PIP4P2: variants seen among roughly 807,000 people sequenced by gnomAD.
PIP4P2 encodes phosphatidylinositol-4,5-bisphosphate 4-phosphatase 2.
A neutral mutation model predicts 33.3 loss-of-function variants in PIP4P2; 19 were observed. The observed-to-expected ratio is 0.57, with a 90% CI of 0.40 to 0.84. PIP4P2 has a LOEUF of 0.84. Ranked by LOEUF, PIP4P2 falls within the 40% of genes least tolerant of loss-of-function variation. PIP4P2 has a pLI of 0.00. For synonymous variants in PIP4P2, 110 were observed against 111.9 expected (o/e 0.98, Z 0.11); for missense variants, 270 against 324.7 (o/e 0.83, Z 1.29).
At chr8:91,033,098 G>A (rs572197687) in intron 1 of PIP4P2, among the ~76,000 whole-genome samples, 6 of 152,266 alleles carry the variant, frequency 3.9e-5, no homozygotes, top group South Asian at 4.1e-4. Context: ...TGAGAGCATC[G>A]TCTCCCTCTC....
chr8:91,023,200 T>G (rs1812035341), intron 1 of PIP4P2, among the ~76,000 whole-genome samples: 1 of 150,908 alleles, frequency 6.6e-6, no homozygotes. Flanking sequence ...AATATTATTT[T>G]AATAATTATT....
chr8:91,002,017 C>A (rs1811705618), intron 5 of PIP4P2, among the ~76,000 whole-genome samples: 1 of 152,088 alleles, frequency 6.6e-6, no homozygotes, highest in Admixed American at 6.6e-5. Context: ...CTGCAATCTT[C>A]CTTTTCTGGT....
chr8:91,006,684 T>C (rs188712152), intron 5 of PIP4P2, among the ~76,000 whole-genome samples: 1 of 152,332 alleles, frequency 6.6e-6, no homozygotes, highest in East Asian at 1.9e-4. Flanking sequence ...GAGGTCTCTG[T>C]CAGGCCAGGT....
chr8:91,039,506 T>C (rs889380614), intron 1 of PIP4P2, among the ~76,000 whole-genome samples: 1 of 152,240 alleles, frequency 6.6e-6, no homozygotes, highest in African/African-American at 2.4e-5. Context: ...AAGTTCAACC[T>C]GCTCTACATC....
At chr8:91,020,911 T>C (rs74714529) in intron 2 of PIP4P2, among the ~76,000 whole-genome samples, 2,581 of 152,320 alleles carry the variant, frequency 0.017, 67 homozygotes, top group East Asian at 0.14. Context: ...TGAAGTTTAG[T>C]ACACAATATT....
intron 5 of PIP4P2, among the ~76,000 whole-genome samples, chr8:91,002,262 G>A (rs1811709106): frequency 6.6e-6 from 1 of 152,068 alleles, no homozygotes; most frequent in African/African-American, 2.4e-5. Flanking sequence ...CATTTAAAAG[G>A]ATGATTTTTA....
At chr8:91,021,739 C>T (rs113676585) in intron 1 of PIP4P2, among the ~76,000 whole-genome samples, 14 of 152,158 alleles carry the variant, frequency 9.2e-5, no homozygotes, top group African/African-American at 2.4e-4. Flanking sequence ...GTAATTTATG[C>T]CTACAATAAA....
intron 5 of PIP4P2, among the ~76,000 whole-genome samples, chr8:90,998,923 G>A (rs1297877556): frequency 2.6e-5 from 4 of 152,026 alleles, no homozygotes; most frequent in Admixed American, 2.6e-4. Context: ...ATGAACAAAT[G>A]ATATCTAATT....
chr8:91,001,298 G>A (rs867628660), intron 5 of PIP4P2, among the ~76,000 whole-genome samples: 6 of 151,846 alleles, frequency 4.0e-5, no homozygotes, highest in South Asian at 2.1e-4. Context: ...ATTTTATCAC[G>A]TTTAGGTTCA....
intron 4 of PIP4P2, among the ~76,000 whole-genome samples, chr8:91,009,658 T>G (rs1250872746): frequency 6.6e-6 from 1 of 151,948 alleles, no homozygotes; most frequent in African/African-American, 2.4e-5. Flanking sequence ...ATTTTTCTTT[T>G]CAGAAGGCTC....
At chr8:91,011,859 A>G (rs2130360823) in intron 4 of PIP4P2, among the ~76,000 whole-genome samples, 1 of 152,188 alleles carries the variant, frequency 6.6e-6, no homozygotes, top group East Asian at 1.9e-4. Context: ...CTGTGAGAAT[A>G]TGGAGAAGCT....
intron 1 of PIP4P2, among the ~76,000 whole-genome samples, chr8:91,040,036 A>G (rs532754343): frequency 6.6e-6 from 1 of 152,250 alleles, no homozygotes; most frequent in Non-Finnish European, 1.5e-5. Context: ...TAAATCTAAC[A>G]CATACTCCTT....
In PIP4P2 at chr8:91,040,750, G is replaced by A; in HGVS notation, c.-1C>T. The A allele has an allele frequency of 1.9e-6, 3 of 1,611,768 alleles. No individual in the cohort carries two copies. Among genetic ancestry groups the A allele is most frequent in the Non-Finnish European group, 2.5e-6 (3 of 1,179,902 alleles). On this transcript the variant is annotated 5_prime_UTR_variant, in exon 1 of 7. Transcript: ENST00000285419. ...GTTCGTCCACCCCATCAGCAGCCAT[G>A]ACTGCGGCAGCGGCGGGGCCTGGGG...
chr8:91,031,823 T>C (rs141083521), intron 1 of PIP4P2, among the ~76,000 whole-genome samples: 1 of 152,334 alleles, frequency 6.6e-6, no homozygotes, highest in East Asian at 1.9e-4. Context: ...AAGAGTGAGA[T>C]AAGAAAGGAT....
intron 3 of PIP4P2, among the ~76,000 whole-genome samples, chr8:91,019,710 A>C (rs1469420511): frequency 6.6e-6 from 1 of 151,888 alleles, no homozygotes; most frequent in Non-Finnish European, 1.5e-5. Context: ...AGTAACTGGG[A>C]ATATAGGTGC....
intron 1 of PIP4P2, among the ~76,000 whole-genome samples, chr8:91,036,375 T>G (rs1426551491): frequency 6.6e-6 from 1 of 152,208 alleles, no homozygotes; most frequent in Admixed American, 6.5e-5. Context: ...ATTATCCGTG[T>G]TCCCCAAAAC....
chr8:91,039,963 T>A (rs906627637), intron 1 of PIP4P2, among the ~76,000 whole-genome samples: 4 of 152,220 alleles, frequency 2.6e-5, no homozygotes, highest in Admixed American at 2.6e-4. Context: ...CACCCAGATA[T>A]GTGTTAAAAA....
At chr8:91,011,211 C>T (rs143985756) in intron 4 of PIP4P2, among the ~76,000 whole-genome samples, 1 of 152,114 alleles carries the variant, frequency 6.6e-6, no homozygotes, top group East Asian at 1.9e-4. Context: ...TGGCCCACTT[C>T]AGGGCAAAGT....
At chr8:91,018,581 T>C (rs897098688) in intron 3 of PIP4P2, 68 bp from the exon 4 acceptor site, 14 of 1,600,872 alleles carry the variant, frequency 8.7e-6, no homozygotes, top group Non-Finnish European at 1.2e-5. Flanking sequence ...CTGCAACATA[T>C]GGCCAAAAAT....
Sources: allele counts gnomAD v4.1 joint callset (sites outside exome capture counted in the v4.1 genomes callset), GRCh38; gene constraint gnomAD v4.1.1; transcripts MANE v1.5; gene names NCBI Gene and HGNC (gene_info 2026-07-23, HGNC 2026-07-21).